Variants in EBPL observed in about 807,000 individuals in gnomAD.
EBPL encodes the protein emopamil-binding protein-like.
EBPL carries 20 observed loss-of-function variants against 19.0 expected under a neutral mutation model. That is an observed-to-expected ratio of 1.05 (90% CI 0.74 to 1.53). The LOEUF (loss-of-function observed/expected upper bound fraction) is 1.53, where lower values mean the gene tolerates loss of function less well. Among genes scored for constraint, EBPL ranks in the 40% most tolerant of loss-of-function variants. The probability of loss-of-function intolerance (pLI) is 0.00; values close to 1 mark genes in which losing one functional copy is unlikely to be tolerated. For synonymous variants in EBPL, 107 were observed against 117.0 expected (o/e 0.91, Z 0.55); for missense variants, 219 against 261.1 (o/e 0.84, Z 1.11).
In EBPL at chr13:49,685,331, A is replaced by T. The variant is rs1209474657; in HGVS notation, c.171+5923T>A. 2.0e-5 allele frequency among the ~76,000 whole-genome samples: 3 copies of T among 152,322 alleles called. No homozygotes were observed. In the East Asian group the frequency reaches 5.8e-4, roughly 29 times the overall value. ...GTATATGATAAAGCTGGCATCTCAA[A>T]TAAGTGGGGAAAGAATGGATTAGTC... is the stretch of plus-strand genomic sequence containing the variant. On this transcript the variant is annotated intron_variant, in intron 1 of 3. Coordinates refer to ENST00000242827, the MANE Select transcript of EBPL (RefSeq NM_032565.5).
At chr13:49,679,873 T>C (rs1181290983) in intron 1 of EBPL, among the ~76,000 whole-genome samples, 4 of 146,648 alleles carry the variant, frequency 2.7e-5, no homozygotes, top group African/African-American at 4.9e-5. Context: ...AAGAAAAAAA[T>C]AGAGTCAAGC....
chr13:49,680,047 C>T (rs887537165), intron 1 of EBPL, among the ~76,000 whole-genome samples: 1 of 152,104 alleles, frequency 6.6e-6, no homozygotes, highest in African/African-American at 2.4e-5. Context: ...TGGTGAGGAC[C>T]CTAAGCGGAG....
rs1233278375 is a variant in EBPL at position 49,691,251 on chromosome 13, T to TACCAGCGCGAAGTGC, written c.159_171+2dup. The stretch of plus-strand genomic sequence containing the variant: ...AGTGCAGGGTCTAGGCGATGGCACT[T>TACCAGCGCGAAGTGC]ACCAGCGCGAAGTGCACCAGCGCGT... On this transcript the variant is annotated splice_region_variant and intron_variant, in intron 1 of 3. Coordinates refer to ENST00000242827, the MANE Select transcript of EBPL (RefSeq NM_032565.5). 2 of 1,384,510 alleles carry TACCAGCGCGAAGTGC rather than the reference T, an allele frequency of 1.4e-6. No homozygotes were observed. Among genetic ancestry groups the TACCAGCGCGAAGTGC allele is most frequent in the East Asian group, 2.9e-5 (1 of 34,976 alleles). 85.8% of individuals were successfully genotyped at this position (1,384,510 alleles called of 1,614,324 possible). A position where few individuals can be genotyped will look rare whatever the true frequency, so the allele number is the denominator to read the frequency against.
At chr13:49,673,431 ATTTTT>A (rs1451529655) in intron 1 of EBPL, among the ~76,000 whole-genome samples, 1 of 152,092 alleles carries the variant, frequency 6.6e-6, no homozygotes, top group Non-Finnish European at 1.5e-5. Flanking sequence ...GGTTACATTT[ATTTTT>A]ATTTCTGTAT....
chr13:49,670,706 C>T (rs1953803177), intron 1 of EBPL, among the ~76,000 whole-genome samples: 2 of 152,170 alleles, frequency 1.3e-5, no homozygotes, highest in Admixed American at 6.6e-5. Flanking sequence ...CCTTCCTCTC[C>T]CGTTTCCAGT....
intron 3 of EBPL, chr13:49,661,958 A>C (rs756686373): frequency 4.6e-6 from 7 of 1,520,210 alleles, no homozygotes; most frequent in Non-Finnish European, 6.2e-6. Context: ...AAGGGAGGAG[A>C]GTTTATAGTC....
At chr13:49,665,053 T>C (rs1481124987) in intron 2 of EBPL, among the ~76,000 whole-genome samples, 2 of 151,326 alleles carry the variant, frequency 1.3e-5, no homozygotes, top group Non-Finnish European at 2.9e-5. Context: ...TAAAATCTAA[T>C]AAAATATCAC....
chr13:49,688,733 A>G (rs1197143150), intron 1 of EBPL, among the ~76,000 whole-genome samples: 1 of 151,780 alleles, frequency 6.6e-6, no homozygotes, highest in Admixed American at 6.6e-5. Context: ...AAAAAAAAAA[A>G]AAAAAAGAAG....
chr13:49,664,452 G>T (rs1965197600), intron 2 of EBPL, among the ~76,000 whole-genome samples: 1 of 152,142 alleles, frequency 6.6e-6, no homozygotes, highest in Non-Finnish European at 1.5e-5. Flanking sequence ...TGCTCTCAGA[G>T]ATCCATCCAG....
chr13:49,677,742 A>T (rs1401525785), intron 1 of EBPL, among the ~76,000 whole-genome samples: 1 of 152,206 alleles, frequency 6.6e-6, no homozygotes, highest in Non-Finnish European at 1.5e-5. Flanking sequence ...CTCCTTCTCT[A>T]CTAAAAACAC....
intron 2 of EBPL, among the ~76,000 whole-genome samples, chr13:49,664,907 T>C (rs1419465517): frequency 1.3e-5 from 2 of 152,152 alleles, no homozygotes; most frequent in Non-Finnish European, 2.9e-5. Flanking sequence ...CCGAGAGTCA[T>C]CAGCCTGTCC....
chr13:49,690,679 A>G (rs893245541), intron 1 of EBPL, among the ~76,000 whole-genome samples: 5 of 152,192 alleles, frequency 3.3e-5, no homozygotes, highest in Non-Finnish European at 7.3e-5. Flanking sequence ...GTGGCACTGG[A>G]AAGTCACCTA....
At position 49,691,408 on chromosome 13, in the gene EBPL, TC is replaced by T; in HGVS notation, c.16del (p.Glu6SerfsTer61). 7.4e-7 allele frequency: 1 copy of T among 1,349,534 alleles called. No individual in the cohort carries two copies. Among genetic ancestry groups the T allele is most frequent in the South Asian group, 2.4e-5 (1 of 41,774 alleles). The allele number at this position is 1,349,534 out of a possible 1,614,324, so 83.6% of individuals were successfully genotyped here. Reference protein sequence around the residue: MGAEWELGAEAGGSLL... With the variant: MGAEWXLGAEAGGSLL... ...CGAACCGCCAGCCTCGGCCCCCAGC[TC>T]CCACTCAGCGCCCATGCTTCAGGCT... On this transcript the variant is annotated frameshift_variant, in exon 1 of 4. Coordinates refer to ENST00000242827, the MANE Select transcript of EBPL (RefSeq NM_032565.5). LOFTEE classifies it high-confidence loss of function.
chr13:49,668,465 T>C (rs1208801899), intron 2 of EBPL: 10 of 240,788 alleles, frequency 4.2e-5, no homozygotes. Flanking sequence ...TCCCAGCTAC[T>C]CGGGAGGCTG....
chr13:49,684,440 G>A (rs118126331), intron 1 of EBPL, among the ~76,000 whole-genome samples: 2,010 of 152,326 alleles, frequency 0.013, 19 homozygotes, highest in Non-Finnish European at 0.017. Flanking sequence ...GGAGGCCGAG[G>A]CAGCTGGATC....
rs200094541 is a variant in EBPL, at chr13:49,691,420, C to G, written c.5G>C (p.Gly2Ala). MGAEWELGAEAG... is the reference protein window; with the variant it reads MAAEWELGAEAG... Reference sequence around the variant, plus strand: ...CTCGGCCCCCAGCTCCCACTCAGCGCCCATGCTTCAGGCTTCCGACGCCAA... The same window carrying G: ...CTCGGCCCCCAGCTCCCACTCAGCGGCCATGCTTCAGGCTTCCGACGCCAA... Residue 2 changes from glycine (G) to alanine (A), a missense_variant, in exon 1 of 4, where the codon GGC becomes GCC. By Grantham distance (60) the Gly-to-Ala change is moderately conservative. Transcript: ENST00000242827. 1.5e-6 allele frequency: 2 copies of G among 1,341,212 alleles called. No homozygotes were observed. The highest frequency in any genetic ancestry group is 1.9e-6 in the Non-Finnish European group (2 of 1,048,030). The allele number at this position is 1,341,212 out of a possible 1,614,324, so 83.1% of individuals were successfully genotyped here.
At chr13:49,664,669 C>T (rs1965200293) in intron 2 of EBPL, among the ~76,000 whole-genome samples, 2 of 152,166 alleles carry the variant, frequency 1.3e-5, no homozygotes, top group Non-Finnish European at 1.5e-5. Context: ...CCCTTTAATA[C>T]TGCCTCGCAT....
At chr13:49,666,075 C>T (rs1321380774) in intron 2 of EBPL, among the ~76,000 whole-genome samples, 2 of 152,170 alleles carry the variant, frequency 1.3e-5, no homozygotes, top group Non-Finnish European at 2.9e-5. Flanking sequence ...GAGGACATCT[C>T]GCCATGCAGG....
chr13:49,675,705 G>A (rs571996124), intron 1 of EBPL, among the ~76,000 whole-genome samples: 2 of 152,272 alleles, frequency 1.3e-5, no homozygotes, highest in Non-Finnish European at 1.5e-5. Flanking sequence ...TCCTTTGGGT[G>A]TATATGTAGA....
Sources: gnomAD v4.1 joint callset for allele counts (sites outside exome capture counted in the v4.1 genomes callset) on GRCh38, gnomAD v4.1.1 for gene constraint, MANE v1.5 for transcripts, NCBI Gene and HGNC (gene_info 2026-07-23, HGNC 2026-07-21) for gene names.